Variants in RFX4 observed in about 807,000 individuals in gnomAD.
RFX4 encodes the protein transcription factor RFX4.
In RFX4, 10 loss-of-function variants were observed where a neutral mutation model predicts 95.0. That is an observed-to-expected ratio of 0.11 (90% CI 0.06 to 0.18). The LOEUF is 0.18. Among genes scored for constraint, RFX4 ranks in the 10% least tolerant of loss-of-function variants. The pLI is 1.00. For synonymous variants in RFX4, 321 were observed against 340.7 expected, an observed-to-expected ratio of 0.94 and a Z score of 0.64; for missense variants, 640 against 922.0, an observed-to-expected ratio of 0.69 and a Z score of 3.96.
intron 7 of RFX4, among the ~76,000 whole-genome samples, chr12:106,690,912 C>A (rs1297696809): frequency 6.6e-6 from 1 of 152,204 alleles, no homozygotes; most frequent in Non-Finnish European, 1.5e-5. Context: ...TCATATGTAG[C>A]TTAGTCATCT....
chr12:106,659,252 G>A (rs1195413663), intron 4 of RFX4, among the ~76,000 whole-genome samples: 1 of 152,076 alleles, frequency 6.6e-6, no homozygotes, highest in African/African-American at 2.4e-5. Flanking sequence ...CTGTGGCTTG[G>A]GGACCCACAG....
At chr12:106,715,684 T>A in intron 11 of RFX4, 140 bp downstream of exon 11, 1 of 960,024 alleles carries the variant, frequency 1.0e-6, no homozygotes, top group Non-Finnish European at 1.5e-6. Flanking sequence ...TTGTTCCTTT[T>A]AAATGAGTCA....
rs373134201 is a variant in RFX4 at position 106,623,875 on chromosome 12, C to T, written c.130+14992C>T. Among the ~76,000 whole-genome samples the T allele has an allele frequency of 3.9e-5, 6 of 152,342 alleles. No individual in the cohort carries two copies. In the East Asian group the frequency reaches 7.7e-4, roughly 20 times the overall value. ...TGTAGATATTTATTATTTTATTTAA[C>T]CGAAGATGGGAAGGAGTAGGCTCCG... On this transcript the variant is annotated intron_variant, in intron 2 of 17. Coordinates refer to ENST00000392842, the MANE Select transcript of RFX4 (RefSeq NM_213594.3).
intron 11 of RFX4, among the ~76,000 whole-genome samples, chr12:106,719,716 G>C (rs2042361046): frequency 1.3e-5 from 2 of 152,186 alleles, no homozygotes; most frequent in Admixed American, 1.3e-4. Context: ...AGCAGGGCTT[G>C]CTGGCGGAAT....
At chr12:106,688,568 A>G (rs914936139) in intron 6 of RFX4, among the ~76,000 whole-genome samples, 2 of 152,204 alleles carry the variant, frequency 1.3e-5, no homozygotes, top group African/African-American at 4.8e-5. Flanking sequence ...ATGCATGTCT[A>G]TGTTCTAAAA....
intron 5 of RFX4, 33 bp from the exon 6 acceptor site, chr12:106,686,851 T>TC (rs777085643): frequency 1.2e-5 from 18 of 1,479,074 alleles, no homozygotes; most frequent in South Asian, 3.5e-5. Context: ...TTTTTTTTTT[T>TC]TCTCTCTCTC....
intron 15 of RFX4, among the ~76,000 whole-genome samples, chr12:106,735,558 G>T (rs2042694583): frequency 6.6e-6 from 1 of 152,174 alleles, no homozygotes; most frequent in South Asian, 2.1e-4. Flanking sequence ...GAACCAGACT[G>T]ATAGCAGACT....
chr12:106,593,117 CAT>C (rs1162731737), intron 1 of RFX4, among the ~76,000 whole-genome samples: 1 of 152,184 alleles, frequency 6.6e-6, no homozygotes, highest in Non-Finnish European at 1.5e-5. Flanking sequence ...TTCCATAAAA[CAT>C]AAAAGCATTA....
intron 13 of RFX4, among the ~76,000 whole-genome samples, chr12:106,727,997 C>T (rs1443857408): frequency 6.6e-6 from 1 of 152,136 alleles, no homozygotes; most frequent in Non-Finnish European, 1.5e-5. Flanking sequence ...TACACATTCA[C>T]ACAATTCATA....
rs768257685 is a variant in RFX4, at chr12:106,747,518, T to C, written c.1715T>C (p.Leu572Pro). 135 of 1,614,162 alleles carry C rather than the reference T, an allele frequency of 8.4e-5. 2 individuals are homozygous for C. The South Asian group carries it at 1.4e-3, about 17-fold the overall frequency. Reference sequence around the variant, plus strand: ...TCCCCAGCTGAGAACTCCCAACAGCTGCCCTGTATGAGGAACACTCATGTG... The same window carrying C: ...TCCCCAGCTGAGAACTCCCAACAGCCGCCCTGTATGAGGAACACTCATGTG... ...AGSPAENSQQ[L>P]PCMRNTHVPS... The change falls in exon 16 of 18, where the codon CTG becomes CCG. Residue 572 changes from leucine to proline, a missense_variant. This residue lies in a region of RFX4 where 300 missense variants were observed against 346.8 expected (regional missense o/e 0.87). Coordinates refer to ENST00000392842, the MANE Select transcript of RFX4 (RefSeq NM_213594.3).
At chr12:106,747,386 A>G in intron 15 of RFX4, 51 bp from the exon 16 acceptor site, 1 of 1,587,582 alleles carries the variant, frequency 6.3e-7, no homozygotes, top group Non-Finnish European at 8.6e-7. Context: ...AAGGAAGAAC[A>G]AGGGATATGA....
intron 15 of RFX4, among the ~76,000 whole-genome samples, chr12:106,746,551 A>G (rs2042898981): frequency 6.6e-6 from 1 of 151,922 alleles, no homozygotes; most frequent in Non-Finnish European, 1.5e-5. Flanking sequence ...AAAAAAAACT[A>G]ACCATCTCAT....
intron 2 of RFX4, among the ~76,000 whole-genome samples, chr12:106,637,037 C>T (rs1023370648): frequency 6.6e-6 from 1 of 152,142 alleles, no homozygotes; most frequent in Non-Finnish European, 1.5e-5. Context: ...CCAGAAGCCC[C>T]GAGAGAGAGT....
intron 3 of RFX4, chr12:106,646,004 G>A (rs1250264764): frequency 8.3e-7 from 1 of 1,204,628 alleles, no homozygotes; most frequent in Non-Finnish European, 1.1e-6. Flanking sequence ...CTGTGTTGTG[G>A]AACCACAACT....
intron 13 of RFX4, among the ~76,000 whole-genome samples, chr12:106,724,959 G>A (rs2137540665): frequency 6.6e-6 from 1 of 151,080 alleles, no homozygotes; most frequent in South Asian, 2.1e-4. Flanking sequence ...GTTGCAGTGA[G>A]TCGAGATGGC....
rs375792915 is a variant in RFX4 at position 106,724,734 on chromosome 12, C to A, written c.1351+3858C>A. Among the ~76,000 whole-genome samples, 53 of 152,130 alleles carry A rather than the reference C, an allele frequency of 3.5e-4. No individual in the cohort carries two copies. The East Asian group carries it at 9.7e-3, about 28-fold the overall frequency. ...AACAACAAAAAACTATTAAAGGATG[C>A]ATTTCAGCTGGGCGCGATGGCTCAC... On this transcript the variant is annotated intron_variant, in intron 13 of 17. Coordinates refer to ENST00000392842, the MANE Select transcript of RFX4 (RefSeq NM_213594.3).
intron 13 of RFX4, among the ~76,000 whole-genome samples, chr12:106,724,552 TG>T (rs2042454272): frequency 6.6e-6 from 1 of 152,228 alleles, no homozygotes; most frequent in Non-Finnish European, 1.5e-5. Context: ...TAGACTGTCA[TG>T]AGCAGTAAGA....
chr12:106,608,080 T>C (rs1477539184), intron 1 of RFX4, among the ~76,000 whole-genome samples: 3 of 152,074 alleles, frequency 2.0e-5, no homozygotes, highest in Non-Finnish European at 4.4e-5. Flanking sequence ...TCCCAGCTAC[T>C]CAGGAGGCTG....
intron 15 of RFX4, among the ~76,000 whole-genome samples, chr12:106,739,777 T>C (rs949954095): frequency 1.3e-5 from 2 of 152,192 alleles, no homozygotes; most frequent in African/African-American, 4.8e-5. Flanking sequence ...AGCCTGTCTG[T>C]CCATTTTCTC....
Sources: allele counts gnomAD v4.1 joint callset (sites outside exome capture counted in the v4.1 genomes callset), GRCh38; gene constraint gnomAD v4.1.1; regional missense constraint gnomAD v4.1.1; transcripts MANE v1.5; gene names NCBI Gene and HGNC (gene_info 2026-07-23, HGNC 2026-07-21).